PGM5: variants seen among roughly 807,000 people sequenced by gnomAD.
PGM5 encodes phosphoglucomutase 5.
A neutral mutation model predicts 59.2 loss-of-function variants in PGM5; 23 were observed. The ratio of observed to expected loss-of-function variants is 0.39; its 90% CI spans 0.28 to 0.55. PGM5 has a LOEUF of 0.55. PGM5 is among the 20% of genes least tolerant of loss of function. The probability of loss-of-function intolerance (pLI) is 0.66; values close to 1 mark genes in which losing one functional copy is unlikely to be tolerated. For synonymous variants in PGM5, 214 were observed against 286.0 expected, an observed-to-expected ratio of 0.75 and a Z score of 2.54; for missense variants, 574 against 748.3, an observed-to-expected ratio of 0.77 and a Z score of 2.72.
chr9:68,516,805 C>T (rs1824831313), intron 10 of PGM5, among the ~76,000 whole-genome samples: 1 of 152,166 alleles, frequency 6.6e-6, no homozygotes, highest in Non-Finnish European at 1.5e-5. Flanking sequence ...CCTAGGAGGG[C>T]TGGGTTGAGT....
chr9:68,439,693 A>G (rs1166574444), intron 6 of PGM5, among the ~76,000 whole-genome samples: 5 of 137,404 alleles, frequency 3.6e-5, no homozygotes, highest in Non-Finnish European at 7.9e-5. Context: ...ACATGCACAC[A>G]TATATATATA....
chr9:68,383,288 A>G (rs1184260309), intron 2 of PGM5, among the ~76,000 whole-genome samples: 2 of 152,148 alleles, frequency 1.3e-5, no homozygotes, highest in South Asian at 2.1e-4. Flanking sequence ...TTTAGTAGCC[A>G]CATTAAAAAA....
At chr9:68,512,638 C>A (rs1193070636) in intron 10 of PGM5, among the ~76,000 whole-genome samples, 1 of 152,130 alleles carries the variant, frequency 6.6e-6, no homozygotes, top group Non-Finnish European at 1.5e-5. Flanking sequence ...TTAATAAGGA[C>A]ACCAGTCATA....
At chr9:68,502,810 C>A (rs898679179) in intron 10 of PGM5, among the ~76,000 whole-genome samples, 4 of 152,136 alleles carry the variant, frequency 2.6e-5, no homozygotes, top group African/African-American at 7.2e-5. Flanking sequence ...CTGCCTCAGC[C>A]CCCCGAGTAG....
chr9:68,388,576 C>T (rs1228847934), intron 4 of PGM5, among the ~76,000 whole-genome samples: 3 of 152,042 alleles, frequency 2.0e-5, no homozygotes, highest in African/African-American at 7.2e-5. Flanking sequence ...TTTGGAGGAA[C>T]ACATTCTCCA....
At chr9:68,404,029 A>T (rs1323824424) in intron 6 of PGM5, among the ~76,000 whole-genome samples, 8 of 152,248 alleles carry the variant, frequency 5.3e-5, no homozygotes, top group Non-Finnish European at 1.0e-4. Context: ...CATCAGCAGC[A>T]GCTGCACTAA....
chr9:68,465,757 C>T (rs1406930695), intron 7 of PGM5, among the ~76,000 whole-genome samples: 3 of 152,184 alleles, frequency 2.0e-5, no homozygotes, highest in Non-Finnish European at 4.4e-5. Flanking sequence ...TTCTGGCTTG[C>T]ATCATGTCCA....
At chr9:68,455,828 A>G (rs1287831928) in intron 6 of PGM5, among the ~76,000 whole-genome samples, 1 of 152,244 alleles carries the variant, frequency 6.6e-6, no homozygotes, top group Admixed American at 6.5e-5. Context: ...CTAGGTTTTC[A>G]ATATGGACTA....
At chr9:68,490,253 T>C (rs1824367881) in intron 9 of PGM5, among the ~76,000 whole-genome samples, 1 of 152,266 alleles carries the variant, frequency 6.6e-6, no homozygotes, top group Non-Finnish European at 1.5e-5. Context: ...TCATATCAAC[T>C]GGAGAATCTG....
At chr9:68,405,593 T>C (rs77318571) in intron 6 of PGM5, 7,361 of 150,386 alleles carry the variant, frequency 0.049, no homozygotes, top group East Asian at 0.3. Flanking sequence ...TCCTCTTTAT[T>C]CCTTTCTTCC....
At chr9:68,449,736 C>T (rs1554684230) in intron 6 of PGM5, among the ~76,000 whole-genome samples, 1 of 152,202 alleles carries the variant, frequency 6.6e-6, no homozygotes, top group Non-Finnish European at 1.5e-5. Context: ...GGTTTGTCTA[C>T]CCAAGGAGCC....
intron 10 of PGM5, among the ~76,000 whole-genome samples, chr9:68,509,263 G>A (rs1379961870): frequency 6.6e-6 from 1 of 152,228 alleles, no homozygotes; most frequent in Non-Finnish European, 1.5e-5. Flanking sequence ...AAACTCCAGG[G>A]AGGAGCATCT....
intron 10 of PGM5, among the ~76,000 whole-genome samples, chr9:68,514,600 A>G (rs1413481056): frequency 1.3e-5 from 2 of 152,120 alleles, no homozygotes; most frequent in Non-Finnish European, 2.9e-5. Flanking sequence ...GTGAGACTCC[A>G]TCTCAAAAAA....
chr9:68,428,552 C>T (rs1457552223), intron 6 of PGM5: 2 of 152,144 alleles, frequency 1.3e-5, no homozygotes, highest in Admixed American at 1.3e-4. Flanking sequence ...GCCTGTTTCC[C>T]CTGAGCCAAG....
intron 1 of PGM5, among the ~76,000 whole-genome samples, chr9:68,358,135 T>C (rs1329824590): frequency 6.6e-6 from 1 of 152,222 alleles, no homozygotes. Context: ...TATCTCTAAA[T>C]GGTCTGAAAT....
At chr9:68,479,596 T>A in intron 8 of PGM5, 43 bp downstream of exon 8, 1 of 1,596,640 alleles carries the variant, frequency 6.3e-7, no homozygotes, top group Non-Finnish European at 8.6e-7. Flanking sequence ...CCTGAAGAAC[T>A]ACTCCTAGAA....
intron 10 of PGM5, among the ~76,000 whole-genome samples, chr9:68,503,179 G>T (rs894161315): frequency 6.6e-6 from 1 of 152,166 alleles, no homozygotes; most frequent in Non-Finnish European, 1.5e-5. Context: ...AAGAACATAT[G>T]ATTTGTCATC....
intron 6 of PGM5, among the ~76,000 whole-genome samples, chr9:68,442,542 C>T (rs1307641081): frequency 6.6e-6 from 1 of 152,222 alleles, no homozygotes; most frequent in African/African-American, 2.4e-5. Context: ...GGAGTAATCA[C>T]ACTTTCTAAT....
At chr9:68,454,043 C>T (rs1554684608) in intron 6 of PGM5, among the ~76,000 whole-genome samples, 1 of 152,138 alleles carries the variant, frequency 6.6e-6, no homozygotes, top group African/African-American at 2.4e-5. Flanking sequence ...TGTAGACTGA[C>T]CTATAGGGAC....
Sources: allele counts gnomAD v4.1 joint callset (sites outside exome capture counted in the v4.1 genomes callset), GRCh38; gene constraint gnomAD v4.1.1; transcripts MANE v1.5; gene names NCBI Gene and HGNC (gene_info 2026-07-23, HGNC 2026-07-21).